The following MRPS27 variants were observed in gnomAD, a reference collection of about 807,000 sequenced individuals.
The protein encoded by MRPS27 is mitochondrial ribosomal protein S27.
MRPS27 carries 43 observed loss-of-function variants against 48.9 expected under a neutral mutation model. The ratio of observed to expected loss-of-function variants is 0.88; its 90% CI spans 0.69 to 1.13. The LOEUF (loss-of-function observed/expected upper bound fraction) is 1.13, where lower values mean the gene tolerates loss of function less well. Among genes scored for constraint, MRPS27 ranks in the 50% most tolerant of loss-of-function variants. The probability of loss-of-function intolerance (pLI) is 0.00; values close to 1 mark genes in which losing one functional copy is unlikely to be tolerated. For synonymous variants in MRPS27, 188 were observed against 171.9 expected (o/e 1.09, Z -0.73); for missense variants, 467 against 476.3 (o/e 0.98, Z 0.18).
At chr5:72,224,807 C>G (rs1747849017) in intron 9 of MRPS27, among the ~76,000 whole-genome samples, 1 of 152,200 alleles carries the variant, frequency 6.6e-6, no homozygotes, top group South Asian at 2.1e-4. Context: ...CCTCTACTTT[C>G]ACTTTGAGGT....
At chr5:72,319,058 C>G (rs1750657144) in intron 1 of MRPS27, among the ~76,000 whole-genome samples, 1 of 151,936 alleles carries the variant, frequency 6.6e-6, no homozygotes, top group Non-Finnish European at 1.5e-5. Context: ...GAAGTGCGTG[C>G]TTTTTAAAAA....
chr5:72,256,398 C>A (rs1748808361), intron 4 of MRPS27, among the ~76,000 whole-genome samples: 1 of 152,006 alleles, frequency 6.6e-6, no homozygotes, highest in Admixed American at 6.6e-5. Flanking sequence ...GGAGAAAAAC[C>A]TTTGCTGACT....
At chr5:72,233,024 G>A (rs1388445034) in intron 6 of MRPS27, among the ~76,000 whole-genome samples, 2 of 152,152 alleles carry the variant, frequency 1.3e-5, no homozygotes, top group African/African-American at 4.8e-5. Context: ...AGGCAGAGCA[G>A]ACAGGCTGGT....
chr5:72,279,877 T>C (rs1246967620), intron 4 of MRPS27, among the ~76,000 whole-genome samples: 1 of 152,204 alleles, frequency 6.6e-6, no homozygotes, highest in Non-Finnish European at 1.5e-5. Flanking sequence ...GTTTTTAATC[T>C]ACCTAAAAAA....
chr5:72,247,138 T>G (rs1303769831), intron 4 of MRPS27, among the ~76,000 whole-genome samples: 4 of 152,176 alleles, frequency 2.6e-5, no homozygotes, highest in Non-Finnish European at 5.9e-5. Flanking sequence ...TCAGTTAATA[T>G]AAATGCATGA....
chr5:72,308,222 GA>G (rs923205896), intron 2 of MRPS27, among the ~76,000 whole-genome samples: 31 of 152,216 alleles, frequency 2.0e-4, no homozygotes, highest in Non-Finnish European at 3.8e-4. Flanking sequence ...AGGACGAAGA[GA>G]GGGGGCACCG....
chr5:72,271,451 G>A (rs1749239129), intron 4 of MRPS27, among the ~76,000 whole-genome samples: 2 of 151,908 alleles, frequency 1.3e-5, no homozygotes, highest in Admixed American at 1.3e-4. Context: ...AAATATTGCC[G>A]AGAAAAAAAC....
intron 4 of MRPS27, among the ~76,000 whole-genome samples, chr5:72,267,438 G>A (rs1439229804): frequency 6.6e-6 from 1 of 151,692 alleles, no homozygotes; most frequent in Non-Finnish European, 1.5e-5. Context: ...GTTCATCTAT[G>A]TAATTAATTT....
At chr5:72,259,331 G>C (rs1748899868) in intron 4 of MRPS27, among the ~76,000 whole-genome samples, 1 of 152,004 alleles carries the variant, frequency 6.6e-6, no homozygotes, top group African/African-American at 2.4e-5. Context: ...AGCCAAGCAT[G>C]GTGGTGCATG....
chr5:72,241,668 C>T, intron 4 of MRPS27: 2 of 1,535,472 alleles, frequency 1.3e-6, no homozygotes, highest in South Asian at 2.4e-5. Flanking sequence ...CTGTGGATTG[C>T]TGGATGAGCA....
intron 1 of MRPS27, among the ~76,000 whole-genome samples, chr5:72,314,868 C>T (rs998952343): frequency 6.6e-6 from 1 of 152,216 alleles, no homozygotes; most frequent in South Asian, 2.1e-4. Context: ...GCCTAAAAAA[C>T]ATTTTCATCT....
intron 4 of MRPS27, among the ~76,000 whole-genome samples, chr5:72,275,920 A>C (rs185504404): frequency 6.6e-6 from 1 of 152,214 alleles, no homozygotes; most frequent in African/African-American, 2.4e-5. Flanking sequence ...TTTCCAAATA[A>C]GGAAAGGAAT....
intron 4 of MRPS27, among the ~76,000 whole-genome samples, chr5:72,238,644 T>G (rs1295488298): frequency 6.6e-6 from 1 of 152,100 alleles, no homozygotes; most frequent in East Asian, 1.9e-4. Flanking sequence ...GGAAAAGAAA[T>G]AAAAGTTGAG....
intron 3 of MRPS27, 21 bp from the exon 4 acceptor site, chr5:72,295,610 C>A (rs370645185): frequency 8.9e-6 from 14 of 1,580,652 alleles, no homozygotes; most frequent in African/African-American, 1.4e-5. Context: ...GAAAAAGAAA[C>A]CTTTGGTTGA....
chr5:72,226,165 C>A lies in MRPS27; in HGVS notation c.729G>T (p.Val243=). Residue 243 remains valine, a synonymous_variant, in exon 9 of 11, where the codon GTG becomes GTT. Coordinates refer to ENST00000261413, the MANE Select transcript of MRPS27 (RefSeq NM_015084.3). The part of the protein sequence containing the change: ...KVELQQGLRA[V]YHNMPLIWKP... Reference sequence around the variant, plus strand: ...TCCATATCAGAGGCATGTTGTGGTACACAGCCCGTAGCCCTTGCTGCAACT... The same window carrying A: ...TCCATATCAGAGGCATGTTGTGGTAAACAGCCCGTAGCCCTTGCTGCAACT... The A allele has an allele frequency of 6.2e-7, 1 of 1,613,796 alleles. No homozygotes were observed. The highest frequency in any genetic ancestry group is 1.7e-4 in the Middle Eastern group (1 of 6,056).
chr5:72,223,313 T>C (rs929667051), intron 10 of MRPS27, among the ~76,000 whole-genome samples: 1 of 152,232 alleles, frequency 6.6e-6, no homozygotes, highest in Non-Finnish European at 1.5e-5. Flanking sequence ...TTTTAGGTTA[T>C]CAAGCACATT....
chr5:72,251,364 A>G (rs934100075), intron 4 of MRPS27, among the ~76,000 whole-genome samples: 1 of 152,260 alleles, frequency 6.6e-6, no homozygotes, highest in South Asian at 2.1e-4. Context: ...CAACCAGCAA[A>G]GTTTTGCCAG....
chr5:72,309,668 C>G (rs1355071940), intron 2 of MRPS27, among the ~76,000 whole-genome samples: 4 of 152,228 alleles, frequency 2.6e-5, no homozygotes, highest in Non-Finnish European at 5.9e-5. Flanking sequence ...CACCAAGACA[C>G]CAAACCTAGT....
At position 72,258,894 on chromosome 5, in the gene MRPS27, C is replaced by T. The variant is rs550905725; in HGVS notation, c.282-20766G>A. Among the ~76,000 whole-genome samples, 12 of 152,298 alleles carry T rather than the reference C, an allele frequency of 7.9e-5. No individual in the cohort carries two copies. The South Asian group carries it at 1.0e-3, about 13-fold the overall frequency. ...TTGACTACTAAATCTCAGTCTCCAGCGTAAACATCTCTCCCAGCTGCAAAT... is the reference window on the plus strand; with the variant it reads ...TTGACTACTAAATCTCAGTCTCCAGTGTAAACATCTCTCCCAGCTGCAAAT... On this transcript the variant is annotated intron_variant, in intron 4 of 10. Transcript: ENST00000261413.
Sources: allele counts gnomAD v4.1 joint callset (sites outside exome capture counted in the v4.1 genomes callset), GRCh38; gene constraint gnomAD v4.1.1; transcripts MANE v1.5; gene names NCBI Gene and HGNC (gene_info 2026-07-23, HGNC 2026-07-21).